The following ATP2B2 variants were observed in gnomAD, a reference collection of about 807,000 sequenced individuals.
ATP2B2 encodes the protein plasma membrane calcium-transporting ATPase 2.
A neutral mutation model predicts 120.0 loss-of-function variants in ATP2B2; 15 were observed. The ratio of observed to expected loss-of-function variants is 0.12; its 90% CI spans 0.08 to 0.19. The LOEUF (loss-of-function observed/expected upper bound fraction) is 0.19. Among genes scored for constraint, ATP2B2 ranks in the 10% least tolerant of loss-of-function variants. The pLI, the probability that ATP2B2 is intolerant of heterozygous loss-of-function variation, is 1.00. For synonymous variants in ATP2B2, 694 were observed against 700.3 expected (o/e 0.99, Z 0.14); for missense variants, 1,045 against 1,719.8 (o/e 0.61, Z 6.94).
intron 2 of ATP2B2, among the ~76,000 whole-genome samples, chr3:10,429,824 T>G (rs1019382293): frequency 6.6e-6 from 1 of 152,212 alleles, no homozygotes; most frequent in Admixed American, 6.5e-5. Flanking sequence ...AAATTAAAAG[T>G]GCTACTCCCG....
At chr3:10,422,241 C>G (rs2063005347) in intron 2 of ATP2B2, among the ~76,000 whole-genome samples, 1 of 152,214 alleles carries the variant, frequency 6.6e-6, no homozygotes, top group Non-Finnish European at 1.5e-5. Flanking sequence ...GCCACGTGCC[C>G]CCTGTAAGAG....
At chr3:10,432,770 A>T (rs2125107402) in intron 2 of ATP2B2, among the ~76,000 whole-genome samples, 1 of 152,280 alleles carries the variant, frequency 6.6e-6, no homozygotes, top group South Asian at 2.1e-4. Context: ...TTGACAGGGG[A>T]CAAAGGGACG....
intron 1 of ATP2B2, among the ~76,000 whole-genome samples, chr3:10,491,224 ATT>A (rs3077070): frequency 0.054 from 6,512 of 119,886 alleles, 141 homozygotes; most frequent in Middle Eastern, 0.074. Flanking sequence ...CCTTCATTCC[ATT>A]TTTTTTTTTT....
chr3:10,332,035 C>T (rs1049973463), intron 22 of ATP2B2: 3 of 1,550,172 alleles, frequency 1.9e-6, no homozygotes, highest in African/African-American at 2.7e-5. Context: ...GTTCTCTAGC[C>T]CTCTAGGGAA....
intron 22 of ATP2B2, among the ~76,000 whole-genome samples, chr3:10,334,459 G>A (rs2060063325): frequency 6.6e-6 from 1 of 152,314 alleles, no homozygotes; most frequent in South Asian, 2.1e-4. Context: ...AGCTGGCTAG[G>A]CTGCTGCTAA....
chr3:10,392,324 C>T (rs2061879465), intron 5 of ATP2B2, among the ~76,000 whole-genome samples: 1 of 152,166 alleles, frequency 6.6e-6, no homozygotes, highest in African/African-American at 2.4e-5. Context: ...CACATTCATC[C>T]CAGCTGTGCC....
intron 1 of ATP2B2, among the ~76,000 whole-genome samples, chr3:10,486,358 T>TGTGTG (rs1198137032): frequency 2.0e-5 from 3 of 151,916 alleles, no homozygotes; most frequent in East Asian, 1.9e-4. Flanking sequence ...TGTGTGTGTG[T>TGTGTG]GTCTCAGCCC....
At chr3:10,493,890 A>T (rs1345205277) in intron 1 of ATP2B2, among the ~76,000 whole-genome samples, 1 of 152,168 alleles carries the variant, frequency 6.6e-6, no homozygotes, top group African/African-American at 2.4e-5. Context: ...GCAAAGTCTC[A>T]GAGGTGGGGA....
Position 10,482,474 on chromosome 3 carries a change from G to C in ATP2B2, c.-320+22991C>G, listed in dbSNP as rs575379684. 8.5e-5 allele frequency among the ~76,000 whole-genome samples: 13 copies of C among 152,352 alleles called. No individual in the cohort carries two copies. The East Asian group carries it at 2.5e-3, about 29-fold the overall frequency. On this transcript the variant is annotated intron_variant, in intron 1 of 22. Transcript: ENST00000360273. ...ATCCCTCCATGCCTCACCTGGGTGTGTGAGCAATGGCCTAAGGCAGCCCTT... is the reference window on the plus strand; with the variant it reads ...ATCCCTCCATGCCTCACCTGGGTGTCTGAGCAATGGCCTAAGGCAGCCCTT...
chr3:10,532,125 C>T (rs1346152748), intron 3 of ATP2B2, among the ~76,000 whole-genome samples: 1 of 152,118 alleles, frequency 6.6e-6, no homozygotes, highest in African/African-American at 2.4e-5. Flanking sequence ...AATAACTTCA[C>T]CACTGCACAT....
chr3:10,328,550 AGGGCTTG>A lies in ATP2B2; in HGVS notation c.*257_*263del. 15 of 423,228 alleles carry A rather than the reference AGGGCTTG, an allele frequency of 3.5e-5. No individual in the cohort carries two copies. Among genetic ancestry groups the A allele is most frequent in the Non-Finnish European group, 5.5e-5 (13 of 235,526 alleles). The allele number at this position is 423,228 out of a possible 1,614,324, so 26.2% of individuals were successfully genotyped here. Reference sequence around the variant, plus strand: ...GTCCATGTCTGGGTGGGAGCCAGGAAGGGCTTGTTTTGGGAAAACCGCTCACTCCCGT... The same window carrying A: ...GTCCATGTCTGGGTGGGAGCCAGGAATTTTGGGAAAACCGCTCACTCCCGT... On this transcript the variant is annotated 3_prime_UTR_variant, in exon 23 of 23. Coordinates refer to ENST00000360273, the MANE Select transcript of ATP2B2 (RefSeq NM_001001331.4).
At position 10,328,947 on chromosome 3, in the gene ATP2B2, G is replaced by A. The variant is rs1426967358; in HGVS notation, c.3599C>T (p.Ser1200Leu). 2 of 1,613,796 alleles carry A rather than the reference G, an allele frequency of 1.2e-6. No individual in the cohort carries two copies. Among genetic ancestry groups the A allele is most frequent in the Non-Finnish European group, 1.7e-6 (2 of 1,180,008 alleles). The change falls in exon 23 of 23, where the codon TCG (serine) becomes TTG (leucine). Residue 1200 changes from serine to leucine, a missense_variant. Physicochemically the swap from Ser to Leu is moderately radical, Grantham distance 145. Around this residue, in one of 11 missense-constraint regions of ATP2B2, gnomAD observed 211 missense variants for 385.1 expected, o/e 0.55. Transcript: ENST00000360273. ...LEEDAALKQN[S>L]SPPSSLNKNN... ...CTTGTTGAGGGATGACGGCGGGCTC[G>A]AGTTCTGCTTGAGCGCGGCATCTTC...
At chr3:10,460,074 C>T (rs1017665694) in intron 1 of ATP2B2, among the ~76,000 whole-genome samples, 10 of 152,262 alleles carry the variant, frequency 6.6e-5, no homozygotes, top group African/African-American at 2.4e-4. Context: ...CAGGCTTCAC[C>T]TCTGACCATG....
Position 10,327,045 on chromosome 3 carries a change from A to C in ATP2B2, c.*1769T>G. 2.5e-6 allele frequency: 1 copy of C among 395,762 alleles called. No individual in the cohort carries two copies. 24.5% of individuals were successfully genotyped at this position (395,762 alleles called of 1,614,324 possible). A position where few individuals can be genotyped will look rare whatever the true frequency, so the allele number is the denominator to read the frequency against. On this transcript the variant is annotated 3_prime_UTR_variant, in exon 23 of 23. Transcript: ENST00000360273. The stretch of plus-strand genomic sequence containing the variant: ...TCATGGTATTCAAAATGTCTTTTGC[A>C]CTGTACAAGTTTATGGAAAAAAGAT...
intron 14 of ATP2B2, among the ~76,000 whole-genome samples, chr3:10,354,725 C>A (rs1224016915): frequency 1.3e-5 from 2 of 152,210 alleles, no homozygotes; most frequent in Non-Finnish European, 2.9e-5. Context: ...GGAGATTCAA[C>A]CCCTTGACAG....
intron 12 of ATP2B2, among the ~76,000 whole-genome samples, chr3:10,368,905 T>C (rs1454814945): frequency 6.6e-6 from 1 of 152,080 alleles, no homozygotes; most frequent in Admixed American, 6.5e-5. Flanking sequence ...GTCCATTCAC[T>C]TACATCACCC....
chr3:10,374,408 T>A (rs2061327290), intron 11 of ATP2B2, among the ~76,000 whole-genome samples: 1 of 152,238 alleles, frequency 6.6e-6, no homozygotes, highest in Non-Finnish European at 1.5e-5. Context: ...TCTAGAGATC[T>A]CTTTTCTGTA....
At chr3:10,464,415 A>G (rs1434850246) in intron 1 of ATP2B2, among the ~76,000 whole-genome samples, 2 of 152,060 alleles carry the variant, frequency 1.3e-5, no homozygotes, top group South Asian at 4.1e-4. Flanking sequence ...AAGCCCCCCA[A>G]ATAAAAGCAA....
intron 2 of ATP2B2, among the ~76,000 whole-genome samples, chr3:10,542,953 T>C (rs754795940): frequency 6.6e-6 from 1 of 152,208 alleles, no homozygotes; most frequent in Non-Finnish European, 1.5e-5. Context: ...TCTCACCTCC[T>C]TCCAGTAGTC....
Sources: gnomAD v4.1 joint callset for allele counts (sites outside exome capture counted in the v4.1 genomes callset) on GRCh38, gnomAD v4.1.1 for gene constraint, gnomAD v4.1.1 regional missense constraint, MANE v1.5 for transcripts, NCBI Gene and HGNC (gene_info 2026-07-23, HGNC 2026-07-21) for gene names.